Variants in PTPRT observed in about 807,000 individuals in gnomAD.
The protein encoded by PTPRT is receptor-type tyrosine-protein phosphatase T.
PTPRT carries 56 observed loss-of-function variants against 176.8 expected under a neutral mutation model. The observed-to-expected ratio is 0.32, with a 90% CI of 0.26 to 0.40. The LOEUF (loss-of-function observed/expected upper bound fraction) is 0.40. Among genes scored for constraint, PTPRT ranks in the 10% least tolerant of loss-of-function variants. PTPRT has a pLI of 1.00. For missense variants in PTPRT, 1,540 were observed against 1,908.2 expected (o/e 0.81, Z 3.60); for synonymous variants, 783 against 739.0 (o/e 1.06, Z -0.96).
At chr20:42,089,707 G>A (rs1404153437) in intron 27 of PTPRT, among the ~76,000 whole-genome samples, 3 of 152,192 alleles carry the variant, frequency 2.0e-5, no homozygotes, top group Non-Finnish European at 4.4e-5. Context: ...AGCAGAATGG[G>A]TGAATTCAGC....
Position 42,311,363 on chromosome 20 carries a change from A to G in PTPRT, c.2139+4360T>C, listed in dbSNP as rs1303317330. Among the ~76,000 whole-genome samples, 3 of 152,210 alleles carry G rather than the reference A, an allele frequency of 2.0e-5. No individual in the cohort carries two copies. The East Asian group carries it at 5.8e-4, about 29-fold the overall frequency. On this transcript the variant is annotated intron_variant, in intron 12 of 30. Transcript: ENST00000373187. ...CAGTCTGATAGTAAAGGTTGAATTC[A>G]TAGCCACTCTGTTAACCTGACAAAC...
intron 11 of PTPRT, among the ~76,000 whole-genome samples, chr20:42,327,608 G>A (rs2057904692): frequency 6.6e-6 from 1 of 152,068 alleles, no homozygotes; most frequent in Non-Finnish European, 1.5e-5. Flanking sequence ...GAGAAAGAGA[G>A]AGAAACTAAA....
chr20:42,385,323 G>A (rs559972317), intron 9 of PTPRT, among the ~76,000 whole-genome samples: 1 of 152,210 alleles, frequency 6.6e-6, no homozygotes, highest in Admixed American at 6.5e-5. Context: ...GATGAACCTG[G>A]AGGGCATTAT....
At chr20:42,985,535 G>C (rs1983524023) in intron 1 of PTPRT, among the ~76,000 whole-genome samples, 1 of 152,084 alleles carries the variant, frequency 6.6e-6, no homozygotes, top group African/African-American at 2.4e-5. Context: ...GTGGCCAACA[G>C]AACAGAACAG....
In PTPRT at chr20:42,691,653, C is replaced by T. The variant is rs183121834; in HGVS notation, c.860-13494G>A. Among the ~76,000 whole-genome samples, 273 of 152,306 alleles carry T rather than the reference C, an allele frequency of 1.8e-3. 1 individual carries two copies. Among genetic ancestry groups the T allele is most frequent in the Middle Eastern group, 6.8e-3 (2 of 294 alleles). ...TCCTCCCTCATTCCCCTAGGGCTGC[C>T]TCTGCCCCTGCCGTATCTTGCCTGA... On this transcript the variant is annotated intron_variant, in intron 6 of 30. Coordinates refer to ENST00000373187, the MANE Select transcript of PTPRT (RefSeq NM_007050.6).
At chr20:42,218,856 G>A (rs1344718419) in intron 15 of PTPRT, among the ~76,000 whole-genome samples, 1 of 152,226 alleles carries the variant, frequency 6.6e-6, no homozygotes, top group Admixed American at 6.5e-5. Context: ...TGATCGGGAT[G>A]TCAAAATGTC....
At chr20:42,863,795 C>T (rs1003135921) in intron 2 of PTPRT, among the ~76,000 whole-genome samples, 2 of 152,194 alleles carry the variant, frequency 1.3e-5, no homozygotes, top group African/African-American at 4.8e-5. Flanking sequence ...GGAAAGTGGG[C>T]AGACCATGAA....
chr20:42,583,887 T>C (rs893788383), intron 7 of PTPRT, among the ~76,000 whole-genome samples: 1 of 152,204 alleles, frequency 6.6e-6, no homozygotes, highest in African/African-American at 2.4e-5. Context: ...CTCCATGTGG[T>C]AGACTAAATG....
In PTPRT at chr20:42,770,060, A is replaced by G. The variant is rs576978118; in HGVS notation, c.684+1375T>C. 1.3e-3 allele frequency among the ~76,000 whole-genome samples: 199 copies of G among 152,362 alleles called. 1 individual carries two copies. Among genetic ancestry groups the G allele is most frequent in the African/African-American group, 4.4e-3 (185 of 41,592 alleles). On this transcript the variant is annotated intron_variant, in intron 5 of 30. Coordinates refer to ENST00000373187, the MANE Select transcript of PTPRT (RefSeq NM_007050.6). ...TGTGGTAATAGTTTCACATGTAAAC[A>G]TACAAAACTTATCAAATTATATACT...
chr20:42,340,276 G>A (rs1339573297), intron 11 of PTPRT, among the ~76,000 whole-genome samples: 2 of 152,184 alleles, frequency 1.3e-5, no homozygotes, highest in East Asian at 3.9e-4. Flanking sequence ...CTCGATTCTT[G>A]CAGTTGTTAC....
chr20:42,247,306 G>C (rs532681583), intron 14 of PTPRT, among the ~76,000 whole-genome samples: 6 of 152,294 alleles, frequency 3.9e-5, no homozygotes, highest in Admixed American at 2.0e-4. Context: ...AAGAGAGAGA[G>C]GGACATCCTG....
At chr20:42,493,285 C>T (rs2145384060) in intron 7 of PTPRT, among the ~76,000 whole-genome samples, 1 of 152,098 alleles carries the variant, frequency 6.6e-6, no homozygotes, top group South Asian at 2.1e-4. Flanking sequence ...TGTTCTAAGT[C>T]CATGTTTTTA....
At chr20:42,801,012 T>C (rs1194949223) in intron 2 of PTPRT, among the ~76,000 whole-genome samples, 2 of 152,268 alleles carry the variant, frequency 1.3e-5, no homozygotes, top group East Asian at 3.9e-4. Context: ...CTTTGTGCTC[T>C]TTTTTTCTTC....
At chr20:42,118,280 T>C in intron 21 of PTPRT, 123 bp downstream of exon 21, 1 of 723,940 alleles carries the variant, frequency 1.4e-6, no homozygotes, top group Non-Finnish European at 2.2e-6. Flanking sequence ...GACACCTCCC[T>C]TGTAGGTTGC....
chr20:42,775,386 A>G (rs1299857308), intron 4 of PTPRT, among the ~76,000 whole-genome samples: 1 of 152,212 alleles, frequency 6.6e-6, no homozygotes, highest in Non-Finnish European at 1.5e-5. Flanking sequence ...ACACGGCCCC[A>G]CAAGATTGTG....
intron 2 of PTPRT, among the ~76,000 whole-genome samples, chr20:42,870,164 C>T (rs562215008): frequency 2.6e-5 from 4 of 152,244 alleles, no homozygotes; most frequent in Admixed American, 2.0e-4. Flanking sequence ...CCCTATCTCC[C>T]TCCTCTCCCC....
intron 1 of PTPRT, among the ~76,000 whole-genome samples, chr20:43,038,353 A>C (rs917983289): frequency 1.3e-5 from 2 of 152,248 alleles, no homozygotes; most frequent in African/African-American, 4.8e-5. Context: ...ACAATGGTTT[A>C]ATATTTAGAA....
At chr20:42,360,028 G>A (rs2058411820) in intron 9 of PTPRT, among the ~76,000 whole-genome samples, 1 of 152,214 alleles carries the variant, frequency 6.6e-6, no homozygotes, top group Non-Finnish European at 1.5e-5. Context: ...TTTTCCTATT[G>A]GCTGTGGGAT....
intron 1 of PTPRT, among the ~76,000 whole-genome samples, chr20:43,001,849 C>T (rs1281779111): frequency 6.7e-6 from 1 of 148,432 alleles, no homozygotes; most frequent in Non-Finnish European, 1.5e-5. Context: ...CAGTATCAAA[C>T]ATTGTAAAAC....
Sources: gnomAD v4.1 joint callset for allele counts (sites outside exome capture counted in the v4.1 genomes callset) on GRCh38, gnomAD v4.1.1 for gene constraint, MANE v1.5 for transcripts, NCBI Gene and HGNC (gene_info 2026-07-23, HGNC 2026-07-21) for gene names.